Variants in PTPRD observed in about 807,000 individuals in gnomAD.
PTPRD encodes the protein protein tyrosine phosphatase receptor type D.
A neutral mutation model predicts 214.5 loss-of-function variants in PTPRD; 34 were observed. That is an observed-to-expected ratio of 0.16 (90% CI 0.12 to 0.21). The LOEUF (loss-of-function observed/expected upper bound fraction) is 0.21, where lower values mean the gene tolerates loss of function less well. Among genes scored for constraint, PTPRD ranks in the 10% least tolerant of loss-of-function variants. PTPRD has a pLI of 1.00. For synonymous variants in PTPRD, 1,128 were observed against 845.7 expected (o/e 1.33, Z -5.79); for missense variants, 2,545 against 2,398.7 (o/e 1.06, Z -1.27).
chr9:10,217,790 T>G (rs923940280), intron 3 of PTPRD, among the ~76,000 whole-genome samples: 3 of 151,986 alleles, frequency 2.0e-5, no homozygotes, highest in African/African-American at 7.2e-5. Context: ...TAGATCTCCA[T>G]TTAGGAAGGA....
chr9:8,841,997 C>T (rs1216794263), intron 11 of PTPRD, among the ~76,000 whole-genome samples: 4 of 122,146 alleles, frequency 3.3e-5, no homozygotes, highest in Non-Finnish European at 6.7e-5. Flanking sequence ...GGCAATAGAG[C>T]GAGACACAGT....
At chr9:8,804,969 C>A (rs12237944) in intron 11 of PTPRD, among the ~76,000 whole-genome samples, 1 of 152,220 alleles carries the variant, frequency 6.6e-6, no homozygotes, top group East Asian at 1.9e-4. Context: ...AAAGCTTTTT[C>A]TATTTCTGCT....
chr9:8,993,285 A>T (rs1434367981), intron 11 of PTPRD, among the ~76,000 whole-genome samples: 1 of 152,086 alleles, frequency 6.6e-6, no homozygotes, highest in Non-Finnish European at 1.5e-5. Context: ...TCATTTGTAG[A>T]ATGAGTTTAA....
intron 11 of PTPRD, among the ~76,000 whole-genome samples, chr9:8,853,148 T>C (rs1240000220): frequency 6.6e-6 from 1 of 152,320 alleles, no homozygotes; most frequent in African/African-American, 2.4e-5. Context: ...TTTTGAACTA[T>C]GTTTCGTAAG....
In PTPRD at chr9:10,175,946, T is replaced by C. The variant is rs187046880; in HGVS notation, c.-544-142156A>G. The stretch of plus-strand genomic sequence containing the variant: ...AATAGCATTTTCCAACATCTTTTTG[T>C]ACTTTTGGCTGCAAAGTAGAGTAAC... On this transcript the variant is annotated intron_variant, in intron 3 of 45. Transcript: ENST00000381196. 3.0e-3 allele frequency among the ~76,000 whole-genome samples: 463 copies of C among 152,142 alleles called. 4 individuals carry two copies. The highest frequency in any genetic ancestry group is 9.8e-3 in the African/African-American group (406 of 41,570).
At chr9:9,275,918 T>C (rs908261505) in intron 9 of PTPRD, among the ~76,000 whole-genome samples, 2 of 150,838 alleles carry the variant, frequency 1.3e-5, no homozygotes, top group African/African-American at 4.9e-5. Context: ...GTGAAGGAGA[T>C]TGAGCTGTGT....
chr9:9,392,170 C>T (rs1346459820), intron 9 of PTPRD, among the ~76,000 whole-genome samples: 2 of 152,140 alleles, frequency 1.3e-5, no homozygotes, highest in Non-Finnish European at 1.5e-5. Context: ...CCCCTTGGCC[C>T]TCAGCGAGAG....
intron 3 of PTPRD, among the ~76,000 whole-genome samples, chr9:10,163,388 C>T (rs1429811499): frequency 6.6e-6 from 1 of 151,344 alleles, no homozygotes; most frequent in Non-Finnish European, 1.5e-5. Flanking sequence ...CATCCTTTAA[C>T]TGTTATAACA....
At chr9:8,339,608 T>A (rs1009935572) in intron 42 of PTPRD, among the ~76,000 whole-genome samples, 2 of 152,154 alleles carry the variant, frequency 1.3e-5, no homozygotes, top group African/African-American at 4.8e-5. Context: ...ACTTTCCTCG[T>A]CTGATATTCT....
At chr9:9,445,047 C>G (rs543910154) in intron 8 of PTPRD, among the ~76,000 whole-genome samples, 1 of 152,156 alleles carries the variant, frequency 6.6e-6, no homozygotes, top group Admixed American at 6.5e-5. Context: ...AACAAACACA[C>G]AAATAAATGA....
chr9:10,051,966 A>G (rs2097543558), intron 3 of PTPRD, among the ~76,000 whole-genome samples: 1 of 152,046 alleles, frequency 6.6e-6, no homozygotes, highest in African/African-American at 2.4e-5. Flanking sequence ...TGTTTTTGAG[A>G]CAAGGTTTTG....
At chr9:8,321,473 GTGTGTGTGTGTGTGTATATA>G (rs1453548969) in intron 44 of PTPRD, among the ~76,000 whole-genome samples, 2 of 74,820 alleles carry the variant, frequency 2.7e-5, no homozygotes, top group African/African-American at 1.3e-4. Flanking sequence ...GTGTGTGTGT[GTGTGTGTGTGTGTGTATATA>G]TATATATATA....
At chr9:9,200,074 G>C (rs1047953955) in intron 9 of PTPRD, among the ~76,000 whole-genome samples, 2 of 152,186 alleles carry the variant, frequency 1.3e-5, no homozygotes, top group Non-Finnish European at 2.9e-5. Context: ...ATGGTTGAAG[G>C]CTAATGTTGA....
intron 9 of PTPRD, among the ~76,000 whole-genome samples, chr9:9,317,953 C>T (rs1964212278): frequency 2.0e-5 from 3 of 152,190 alleles, no homozygotes; most frequent in South Asian, 2.1e-4. Context: ...AGGCGGATCA[C>T]TTGAGGTCTG....
At chr9:10,500,576 T>C (rs1566548461) in intron 2 of PTPRD, among the ~76,000 whole-genome samples, 1 of 151,924 alleles carries the variant, frequency 6.6e-6, no homozygotes, top group African/African-American at 2.4e-5. Flanking sequence ...TTTAGCTATC[T>C]TAAAATGTAC....
rs562000523 is a variant in PTPRD at position 10,102,426 on chromosome 9, T to C, written c.-544-68636A>G. Reference sequence around the variant, plus strand: ...TCAATATAAAAAAACCCACTAAACTTATTATTAATTTTAAAACTCCCTAGA... The same window carrying C: ...TCAATATAAAAAAACCCACTAAACTCATTATTAATTTTAAAACTCCCTAGA... On this transcript the variant is annotated intron_variant, in intron 3 of 45. Transcript: ENST00000381196. Among the ~76,000 whole-genome samples the C allele has an allele frequency of 3.2e-4, 49 of 151,536 alleles. 1 individual carries two copies. Among genetic ancestry groups the C allele is most frequent in the African/African-American group, 1.1e-3 (47 of 41,436 alleles).
At chr9:8,517,383 C>T (rs10815897) in intron 21 of PTPRD, among the ~76,000 whole-genome samples, 50,009 of 151,990 alleles carry the variant, frequency 0.33, 9,154 homozygotes, top group African/African-American at 0.5. Context: ...TCAGAGAATA[C>T]TTATTTTCAA....
Position 9,574,791 on chromosome 9 carries a change from T to C in PTPRD, c.-286-10A>G, listed in dbSNP as rs2087824044. On this transcript the variant is annotated splice_polypyrimidine_tract_variant and intron_variant, in intron 7 of 45. Transcript: ENST00000381196. ...TTCACCACCCTGAGACCTAGAAAAG[T>C]ATAACACAAAACATTCTTTATTAGT... 1 of 152,040 alleles carries C rather than the reference T, an allele frequency of 6.6e-6. No individual in the cohort carries two copies. The highest frequency in any genetic ancestry group is 2.4e-5 in the African/African-American group (1 of 41,416). The allele number at this position is 152,040 out of a possible 1,614,324, so 9.4% of individuals were successfully genotyped here.
chr9:9,567,095 C>T (rs900218014), intron 8 of PTPRD, among the ~76,000 whole-genome samples: 3 of 151,930 alleles, frequency 2.0e-5, no homozygotes, highest in East Asian at 1.9e-4. Flanking sequence ...AAAATGAAAG[C>T]GCACATAGGT....
Sources: allele counts gnomAD v4.1 joint callset (sites outside exome capture counted in the v4.1 genomes callset), GRCh38; gene constraint gnomAD v4.1.1; transcripts MANE v1.5; gene names NCBI Gene and HGNC (gene_info 2026-07-23, HGNC 2026-07-21).